FBXO25: variants seen among roughly 807,000 people sequenced by gnomAD.
FBXO25 encodes F-box only protein 25.
Under a neutral mutation model 51.9 loss-of-function variants are expected in FBXO25, and 45 were observed. The observed-to-expected ratio is 0.87, with a 90% CI of 0.68 to 1.11. FBXO25 has a LOEUF of 1.11. FBXO25 is among the 50% of genes most tolerant of loss of function. The pLI is 0.00. For missense variants in FBXO25, 507 were observed against 428.5 expected (o/e 1.18, Z -1.62); for synonymous variants, 199 against 151.0 (o/e 1.32, Z -2.33).
intron 5 of FBXO25, among the ~76,000 whole-genome samples, chr8:436,928 G>A (rs779901282): frequency 8.5e-5 from 13 of 152,182 alleles, no homozygotes; most frequent in Non-Finnish European, 1.6e-4. Flanking sequence ...GGTGGTTTCT[G>A]TGCTGGGTGC....
rs927597016 is a variant in FBXO25, at chr8:477,494, C to T, written c.*8690C>T. 1 of 152,212 alleles carries T rather than the reference C, an allele frequency of 6.6e-6. No homozygotes were observed. Among genetic ancestry groups the T allele is most frequent in the African/African-American group, 2.4e-5 (1 of 41,446 alleles). 9.4% of individuals were successfully genotyped at this position (152,212 alleles called of 1,614,324 possible). A position where few individuals can be genotyped will look rare whatever the true frequency, so the allele number is the denominator to read the frequency against. ...AATTTTCAAACTTTTTAAATTTCAA[C>T]ATGAAGATGAAATTATAGGATGTCT... On this transcript the variant is annotated 3_prime_UTR_variant, in exon 10 of 10. Coordinates refer to ENST00000350302, the MANE Select transcript of FBXO25 (RefSeq NM_183420.2).
rs1262836833 is a variant in FBXO25 at position 472,885 on chromosome 8, G to T, written c.*4081G>T. On this transcript the variant is annotated 3_prime_UTR_variant, in exon 10 of 10. Transcript: ENST00000350302. The stretch of plus-strand genomic sequence containing the variant: ...GAAGCAAGCCTGCCTTATGAAACTC[G>T]ACTTTTTAATCTCCCTCTCTTCATT... 3 of 152,208 alleles carry T rather than the reference G, an allele frequency of 2.0e-5. No individual in the cohort carries two copies. Among genetic ancestry groups the T allele is most frequent in the Non-Finnish European group, 4.4e-5 (3 of 68,048 alleles). 9.4% of individuals were successfully genotyped at this position (152,208 alleles called of 1,614,324 possible).
intron 7 of FBXO25, among the ~76,000 whole-genome samples, chr8:455,539 C>A (rs966353006): frequency 6.6e-6 from 1 of 152,148 alleles, no homozygotes; most frequent in African/African-American, 2.4e-5. Flanking sequence ...CGAGGCTGGA[C>A]CTCGATCTTG....
At chr8:449,559 T>G (rs1214678136) in intron 5 of FBXO25, among the ~76,000 whole-genome samples, 1 of 152,258 alleles carries the variant, frequency 6.6e-6, no homozygotes, top group South Asian at 2.1e-4. Context: ...TGTTTGATTT[T>G]CTGATTGTCT....
chr8:471,872 CTACTT>C lies in FBXO25; in HGVS notation c.*3071_*3075del, dbSNP rs1228646188. On this transcript the variant is annotated 3_prime_UTR_variant, in exon 10 of 10. Coordinates refer to ENST00000350302, the MANE Select transcript of FBXO25 (RefSeq NM_183420.2). ...CAGGGCTGTACACAGCAAACTGTGT[CTACTT>C]TATGGAAAAAATTTAACCATCTGTG... 13 of 152,186 alleles carry C rather than the reference CTACTT, an allele frequency of 8.5e-5. No individual in the cohort carries two copies. Among genetic ancestry groups the C allele is most frequent in the Admixed American group, 2.0e-4 (3 of 15,278 alleles). 9.4% of individuals were successfully genotyped at this position (152,186 alleles called of 1,614,324 possible). A position where few individuals can be genotyped will look rare whatever the true frequency, so the allele number is the denominator to read the frequency against.
chr8:413,302 C>G (rs1291282218), intron 2 of FBXO25, 89 bp downstream of exon 2: 2 of 1,365,864 alleles, frequency 1.5e-6, no homozygotes, highest in African/African-American at 1.5e-5. Flanking sequence ...AGCTCCATAA[C>G]TTTTGAGACT....
chr8:406,977 T>A lies in FBXO25; in HGVS notation c.-97T>A, dbSNP rs1021442753. 4 of 152,098 alleles carry A rather than the reference T, an allele frequency of 2.6e-5. No homozygotes were observed. The highest frequency in any genetic ancestry group is 5.9e-5 in the Non-Finnish European group (4 of 68,032). 9.4% of individuals were successfully genotyped at this position (152,098 alleles called of 1,614,324 possible). ...TCCGGCAATAACCGCCTGGTCGCCG[T>A]CAGGTGCGGGCCCAGGTGGCCGGCG... On this transcript the variant is annotated 5_prime_UTR_variant, in exon 1 of 10. Transcript: ENST00000350302.
chr8:437,007 C>A (rs1798143449), intron 5 of FBXO25, among the ~76,000 whole-genome samples: 1 of 152,072 alleles, frequency 6.6e-6, no homozygotes. Flanking sequence ...TCAGAGGGGG[C>A]ATCCATAGAC....
Position 458,120 on chromosome 8 carries a change from G to A in FBXO25, c.661-249G>A, listed in dbSNP as rs1013200973. Reference sequence around the variant, plus strand: ...TGACGCACACCTGTCGCATGGGGAGGTGCAGCAGTAGGGCCTCACCCAGGA... The same window carrying A: ...TGACGCACACCTGTCGCATGGGGAGATGCAGCAGTAGGGCCTCACCCAGGA... On this transcript the variant is annotated intron_variant, in intron 7 of 9. Transcript: ENST00000350302. Among the ~76,000 whole-genome samples, 8 of 152,236 alleles carry A rather than the reference G, an allele frequency of 5.3e-5. No individual in the cohort carries two copies. The South Asian group carries it at 1.2e-3, about 24-fold the overall frequency.
At chr8:445,831 A>T (rs1798705342) in intron 5 of FBXO25, among the ~76,000 whole-genome samples, 1 of 152,196 alleles carries the variant, frequency 6.6e-6, no homozygotes, top group Admixed American at 6.5e-5. Context: ...AGATCGCGCC[A>T]TTGCACTCCA....
rs968138915 is a variant in FBXO25 at position 429,607 on chromosome 8, C to G, written c.135-1734C>G. On this transcript the variant is annotated intron_variant, in intron 2 of 9. Transcript: ENST00000350302. ...AATTTCAGAAGCATTCATCTTTCTT[C>G]TCTACTTGTACATTTTTGTTTACCT... Among the ~76,000 whole-genome samples the G allele has an allele frequency of 2.0e-5, 3 of 152,220 alleles. No individual in the cohort carries two copies. In the East Asian group the frequency reaches 5.8e-4, roughly 29 times the overall value.
chr8:417,033 C>G (rs952174936), intron 2 of FBXO25, among the ~76,000 whole-genome samples: 1 of 152,154 alleles, frequency 6.6e-6, no homozygotes, highest in Non-Finnish European at 1.5e-5. Context: ...GGCAGGGCCT[C>G]CCCGGCAGGG....
chr8:455,673 A>G (rs1201752824), intron 7 of FBXO25, among the ~76,000 whole-genome samples: 1 of 152,232 alleles, frequency 6.6e-6, no homozygotes, highest in Non-Finnish European at 1.5e-5. Flanking sequence ...TGACAGTTGC[A>G]TGCAATAGCT....
chr8:431,254 T>G, intron 2 of FBXO25, 87 bp from the exon 3 acceptor site: 1 of 685,540 alleles, frequency 1.5e-6, no homozygotes, highest in South Asian at 1.8e-5. Context: ...GTCTGTCACT[T>G]TGAAGTATTT....
chr8:442,984 C>T (rs1034473633), intron 5 of FBXO25, among the ~76,000 whole-genome samples: 9 of 152,054 alleles, frequency 5.9e-5, no homozygotes, highest in African/African-American at 4.8e-5. Flanking sequence ...AGTATGTTAA[C>T]GCTCCTGAGA....
At chr8:409,034 A>G (rs11780293) in intron 1 of FBXO25, among the ~76,000 whole-genome samples, 1 of 152,156 alleles carries the variant, frequency 6.6e-6, no homozygotes, top group African/African-American at 2.4e-5. Context: ...ATACATTCCC[A>G]TTGAAAGCCG....
intron 5 of FBXO25, among the ~76,000 whole-genome samples, chr8:447,818 A>G (rs1282938267): frequency 1.3e-5 from 2 of 152,220 alleles, no homozygotes; most frequent in Non-Finnish European, 2.9e-5. Context: ...CATCATGTCC[A>G]TGCTCAAAAA....
chr8:468,671 C>A (rs558816597), intron 9 of FBXO25, 44 bp from the exon 10 acceptor site: 5 of 1,492,702 alleles, frequency 3.3e-6, no homozygotes, highest in Non-Finnish European at 4.7e-6. Flanking sequence ...TAGAGTGTGG[C>A]TGGTGGTGGG....
intron 5 of FBXO25, among the ~76,000 whole-genome samples, chr8:435,946 G>A (rs1027017431): frequency 6.6e-6 from 1 of 152,214 alleles, no homozygotes; most frequent in African/African-American, 2.4e-5. Flanking sequence ...CATCTGCCCT[G>A]TGGCTCTGTG....
Sources: allele counts gnomAD v4.1 joint callset (sites outside exome capture counted in the v4.1 genomes callset), GRCh38; gene constraint gnomAD v4.1.1; transcripts MANE v1.5; gene names NCBI Gene and HGNC (gene_info 2026-07-23, HGNC 2026-07-21).